NDST4: variants seen among roughly 807,000 people sequenced by gnomAD.
The protein encoded by NDST4 is N-deacetylase and N-sulfotransferase 4.
In NDST4, 63 loss-of-function variants were observed where a neutral mutation model predicts 100.8. That is an observed-to-expected ratio of 0.62 (90% CI 0.51 to 0.77). The LOEUF (loss-of-function observed/expected upper bound fraction) is 0.77. Among genes scored for constraint, NDST4 ranks in the 30% least tolerant of loss-of-function variants. NDST4 has a pLI of 0.00. For missense variants in NDST4, 943 were observed against 1,018.4 expected (o/e 0.93, Z 1.01); for synonymous variants, 377 against 361.8 (o/e 1.04, Z -0.48).
chr4:114,906,925 A>T (rs1024326083), intron 6 of NDST4, among the ~76,000 whole-genome samples: 4 of 152,082 alleles, frequency 2.6e-5, no homozygotes, highest in African/African-American at 9.7e-5. Context: ...TTTAATAAAT[A>T]AAAGCAATAA....
chr4:115,069,775 C>T (rs1263154913), intron 2 of NDST4, among the ~76,000 whole-genome samples: 13 of 152,136 alleles, frequency 8.5e-5, no homozygotes, highest in Admixed American at 8.5e-4. Flanking sequence ...CCCAGCTACT[C>T]AGGAAGCTGT....
intron 6 of NDST4, among the ~76,000 whole-genome samples, chr4:114,934,070 C>T (rs191415604): frequency 1.3e-5 from 2 of 152,120 alleles, no homozygotes; most frequent in Admixed American, 1.3e-4. Context: ...TTCACAGTAG[C>T]CTAAACATGG....
Position 114,986,829 on chromosome 4 carries a change from TA to T in NDST4, c.979-9556del, listed in dbSNP as rs1302306345. Among the ~76,000 whole-genome samples the T allele has an allele frequency of 1.2e-3, 139 of 116,442 alleles. 5 individuals are homozygous for T. The highest frequency in any genetic ancestry group is 2.2e-3 in the South Asian group (8 of 3,586). The allele number at this position is 116,442 out of a possible 152,430, so 76.4% of individuals were successfully genotyped here. On this transcript the variant is annotated intron_variant, in intron 2 of 13. Coordinates refer to ENST00000264363, the MANE Select transcript of NDST4 (RefSeq NM_022569.3). ...ATATATATATATATATATATATATA[TA>T]TATTTTAATATACTATTCCTATAAG...
At chr4:115,041,137 T>C (rs1728340054) in intron 2 of NDST4, among the ~76,000 whole-genome samples, 1 of 152,098 alleles carries the variant, frequency 6.6e-6, no homozygotes, top group Non-Finnish European at 1.5e-5. Flanking sequence ...GCATTGATCA[T>C]TGATAGCTGC....
chr4:114,940,652 G>A (rs1010997086), intron 4 of NDST4, among the ~76,000 whole-genome samples: 1 of 152,166 alleles, frequency 6.6e-6, no homozygotes, highest in African/African-American at 2.4e-5. Flanking sequence ...CAGCTCGGTG[G>A]AAGGTCAGGT....
chr4:114,908,158 G>A (rs1724991416), intron 6 of NDST4, among the ~76,000 whole-genome samples: 1 of 151,904 alleles, frequency 6.6e-6, no homozygotes, highest in African/African-American at 2.4e-5. Flanking sequence ...TCATGTATAG[G>A]GCAATATAAA....
intron 4 of NDST4, among the ~76,000 whole-genome samples, chr4:114,959,028 C>A (rs1160286021): frequency 6.6e-6 from 1 of 152,096 alleles, no homozygotes; most frequent in African/African-American, 2.4e-5. Context: ...ATCTCTAGGG[C>A]AGGGGCAAAA....
At chr4:114,901,619 A>T (rs1724840489) in intron 6 of NDST4, among the ~76,000 whole-genome samples, 1 of 151,920 alleles carries the variant, frequency 6.6e-6, no homozygotes, top group Non-Finnish European at 1.5e-5. Context: ...TACTTAGACT[A>T]TTGAAATTTA....
At chr4:114,916,958 T>C (rs2126217423) in intron 6 of NDST4, among the ~76,000 whole-genome samples, 1 of 152,214 alleles carries the variant, frequency 6.6e-6, no homozygotes, top group Admixed American at 6.5e-5. Flanking sequence ...AAATAACCTA[T>C]TGCTGTGAGG....
chr4:114,969,360 G>A, intron 4 of NDST4, among the ~76,000 whole-genome samples: 1 of 149,270 alleles, frequency 6.7e-6, no homozygotes, highest in Non-Finnish European at 1.5e-5. Context: ...TCAGGGCTAT[G>A]TGCAGGTTTA....
At chr4:114,830,081 T>C (rs1030734715) in intron 12 of NDST4, among the ~76,000 whole-genome samples, 189 bp from the exon 13 acceptor site, 6 of 152,222 alleles carry the variant, frequency 3.9e-5, no homozygotes, top group Non-Finnish European at 7.4e-5. Context: ...TTATTATATA[T>C]TTTAAGTAGC....
chr4:114,853,434 T>C (rs535082890), intron 7 of NDST4, among the ~76,000 whole-genome samples: 5 of 152,326 alleles, frequency 3.3e-5, no homozygotes, highest in Non-Finnish European at 7.4e-5. Flanking sequence ...ACATACCCAA[T>C]GTATCCATTG....
intron 2 of NDST4, among the ~76,000 whole-genome samples, chr4:115,043,956 T>A (rs764497623): frequency 6.6e-6 from 1 of 152,238 alleles, no homozygotes; most frequent in South Asian, 2.1e-4. Flanking sequence ...TTCATTACCA[T>A]GACCAAATAA....
intron 1 of NDST4, among the ~76,000 whole-genome samples, chr4:115,087,265 A>C (rs1729425829): frequency 6.6e-6 from 1 of 152,020 alleles, no homozygotes; most frequent in South Asian, 2.1e-4. Flanking sequence ...AGGCTATCTA[A>C]AATTCAGTTC....
chr4:114,930,909 C>G (rs1009222753), intron 6 of NDST4, among the ~76,000 whole-genome samples: 1 of 151,936 alleles, frequency 6.6e-6, no homozygotes, highest in African/African-American at 2.4e-5. Context: ...ACAAAAGGGT[C>G]AAGTTCTCTA....
intron 2 of NDST4, among the ~76,000 whole-genome samples, chr4:114,979,834 T>G (rs997951705): frequency 2.0e-5 from 3 of 151,576 alleles, no homozygotes; most frequent in African/African-American, 7.3e-5. Context: ...ATTCTATAAG[T>G]AAAAACAAAA....
At chr4:114,939,269 G>A (rs1025229212) in intron 4 of NDST4, among the ~76,000 whole-genome samples, 1 of 152,126 alleles carries the variant, frequency 6.6e-6, no homozygotes, top group Admixed American at 6.5e-5. Flanking sequence ...AGAGACAAGC[G>A]TGTCCAGACT....
At chr4:115,037,975 T>C (rs1056987490) in intron 2 of NDST4, among the ~76,000 whole-genome samples, 1 of 152,178 alleles carries the variant, frequency 6.6e-6, no homozygotes, top group African/African-American at 2.4e-5. Flanking sequence ...ATGTTTTGAC[T>C]ATAATTGCAG....
At chr4:114,851,078 G>A (rs1344944559) in intron 8 of NDST4, among the ~76,000 whole-genome samples, 1 of 152,158 alleles carries the variant, frequency 6.6e-6, no homozygotes, top group Non-Finnish European at 1.5e-5. Context: ...GCAAATAGGA[G>A]TTTGGGAACC....
Sources: allele counts gnomAD v4.1 joint callset (sites outside exome capture counted in the v4.1 genomes callset), GRCh38; gene constraint gnomAD v4.1.1; transcripts MANE v1.5; gene names NCBI Gene and HGNC (gene_info 2026-07-23, HGNC 2026-07-21).